PRDM5: variants seen among roughly 807,000 people sequenced by gnomAD.
PRDM5 encodes the protein PR domain zinc finger protein 5.
A neutral mutation model predicts 81.2 loss-of-function variants in PRDM5; 56 were observed. The ratio of observed to expected loss-of-function variants is 0.69; its 90% CI spans 0.56 to 0.86. The LOEUF is 0.86. PRDM5 is among the 40% of genes least tolerant of loss of function. PRDM5 has a pLI of 0.00. For synonymous variants in PRDM5, 267 were observed against 256.4 expected (o/e 1.04, Z -0.39); for missense variants, 697 against 770.1 (o/e 0.91, Z 1.12).
At chr4:120,775,003 CACAA>C (rs1277195500) in intron 13 of PRDM5, among the ~76,000 whole-genome samples, 1 of 148,298 alleles carries the variant, frequency 6.7e-6, no homozygotes, top group African/African-American at 2.5e-5. Flanking sequence ...TATATATATA[CACAA>C]ACACATATAT....
chr4:120,871,345 C>A (rs1258595227), intron 2 of PRDM5, among the ~76,000 whole-genome samples: 2 of 152,200 alleles, frequency 1.3e-5, no homozygotes. Flanking sequence ...TGACAGGTCA[C>A]AGCTTCCAGA....
At chr4:120,701,730 G>T (rs2149001281) in intron 15 of PRDM5, among the ~76,000 whole-genome samples, 1 of 152,176 alleles carries the variant, frequency 6.6e-6, no homozygotes, top group Non-Finnish European at 1.5e-5. Context: ...TCAGTACCTG[G>T]CTGATGGGAT....
At chr4:120,746,639 T>C (rs1436980971) in intron 14 of PRDM5, among the ~76,000 whole-genome samples, 1 of 144,854 alleles carries the variant, frequency 6.9e-6, no homozygotes, top group African/African-American at 2.6e-5. Context: ...GAACAGACAC[T>C]TCTCAAAAGA....
chr4:120,706,085 C>CTTTT (rs5861484), intron 15 of PRDM5, among the ~76,000 whole-genome samples: 5 of 143,296 alleles, frequency 3.5e-5, no homozygotes, highest in African/African-American at 5.2e-5. Context: ...GATCCTAGAT[C>CTTTT]TTTTTTTTTT....
chr4:120,850,976 T>C (rs1054219086), intron 3 of PRDM5, among the ~76,000 whole-genome samples: 7 of 152,144 alleles, frequency 4.6e-5, no homozygotes, highest in African/African-American at 1.7e-4. Context: ...AAGGTATAAA[T>C]ACTTATTGAC....
intron 3 of PRDM5, chr4:120,839,097 C>T: frequency 3.3e-6 from 2 of 613,676 alleles, no homozygotes; most frequent in East Asian, 2.8e-5. Context: ...AACTGCAGCA[C>T]CCCAAAGAAG....
intron 15 of PRDM5, among the ~76,000 whole-genome samples, chr4:120,703,976 G>A (rs1406999134): frequency 6.6e-6 from 1 of 152,176 alleles, no homozygotes; most frequent in African/African-American, 2.4e-5. Context: ...AGACAGTTCA[G>A]CTTGCCACTG....
intron 2 of PRDM5, among the ~76,000 whole-genome samples, chr4:120,904,076 G>C (rs985130687): frequency 6.6e-6 from 1 of 151,450 alleles, no homozygotes; most frequent in East Asian, 1.9e-4. Context: ...TGTAATCCCA[G>C]CTACTTGGGA....
At chr4:120,914,815 T>C (rs1723922194) in intron 1 of PRDM5, among the ~76,000 whole-genome samples, 1 of 152,216 alleles carries the variant, frequency 6.6e-6, no homozygotes, top group African/African-American at 2.4e-5. Context: ...TGTAATACTA[T>C]TCAGCCATAA....
chr4:120,888,490 A>G (rs925447163), intron 2 of PRDM5, among the ~76,000 whole-genome samples: 2 of 152,210 alleles, frequency 1.3e-5, no homozygotes, highest in Admixed American at 1.3e-4. Context: ...TTTATGATAA[A>G]CCAGAATGTA....
chr4:120,826,031 TAAC>T (rs372800489), intron 3 of PRDM5, among the ~76,000 whole-genome samples: 23 of 152,242 alleles, frequency 1.5e-4, no homozygotes, highest in African/African-American at 4.6e-4. Context: ...TAAGATTTCC[TAAC>T]AACAATATTG....
chr4:120,816,938 G>A lies in PRDM5; in HGVS notation c.651-14C>T. 1 of 1,595,726 alleles carries A rather than the reference G, an allele frequency of 6.3e-7. No individual in the cohort carries two copies. Among genetic ancestry groups the A allele is most frequent in the Non-Finnish European group, 8.6e-7 (1 of 1,163,770 alleles). Reference sequence around the variant, plus strand: ...CACTGAAGAACACTAAAGGGAAATAGGAAAAAGAGAAAGAAAAGAAAACAA... The same window carrying A: ...CACTGAAGAACACTAAAGGGAAATAAGAAAAAGAGAAAGAAAAGAAAACAA... On this transcript the variant is annotated splice_polypyrimidine_tract_variant and intron_variant, in intron 5 of 15. Coordinates refer to ENST00000264808, the MANE Select transcript of PRDM5 (RefSeq NM_018699.4).
chr4:120,694,903 G>C lies in PRDM5; in HGVS notation c.*208C>G, dbSNP rs938880594. 9 of 579,934 alleles carry C rather than the reference G, an allele frequency of 1.6e-5. No individual in the cohort carries two copies. Among genetic ancestry groups the C allele is most frequent in the African/African-American group, 1.3e-4 (7 of 53,240 alleles). The allele number at this position is 579,934 out of a possible 1,614,324, so 35.9% of individuals were successfully genotyped here. A position where few individuals can be genotyped will look rare whatever the true frequency, so the allele number is the denominator to read the frequency against. On this transcript the variant is annotated 3_prime_UTR_variant, in exon 16 of 16. Transcript: ENST00000264808. ...TTGCATTTTGCAAGGCTATGGAGTT[G>C]TATTTTTTTTCCATTTATACCATTT...
chr4:120,816,719 A>C lies in PRDM5; in HGVS notation c.743+113T>G, dbSNP rs769786075. ...CATTACCTATGCAGGTAAGAAGAAA[A>C]GCATTTAAATTCTGTAGGTATGTGA... On this transcript the variant is annotated intron_variant, in intron 6 of 15. Transcript: ENST00000264808. 2.8e-4 allele frequency: 418 copies of C among 1,518,534 alleles called. 5 individuals carry two copies. The highest frequency in any genetic ancestry group is 2.8e-4 in the Non-Finnish European group (310 of 1,093,472). 94.1% of individuals were successfully genotyped at this position (1,518,534 alleles called of 1,614,324 possible).
intron 10 of PRDM5, among the ~76,000 whole-genome samples, chr4:120,793,484 C>G (rs34151748): frequency 0.2 from 30,207 of 152,008 alleles, 3,631 homozygotes; most frequent in Non-Finnish European, 0.28. Flanking sequence ...CATCCCCTGC[C>G]CAACACTGGT....
chr4:120,717,893 A>C lies in PRDM5; in HGVS notation c.1624-7480T>G, dbSNP rs1738027523. ...TCTCTTATAGTCAGAGGCCAAGGTA[A>C]AGGTGTCACAAAATCATAGAATGAT... On this transcript the variant is annotated intron_variant, in intron 14 of 15. Transcript: ENST00000264808. 2.0e-5 allele frequency among the ~76,000 whole-genome samples: 3 copies of C among 146,494 alleles called. No individual in the cohort carries two copies. In the South Asian group the frequency reaches 6.7e-4, roughly 33 times the overall value.
At chr4:120,705,398 TAA>T (rs1396552009) in intron 15 of PRDM5, among the ~76,000 whole-genome samples, 7 of 151,998 alleles carry the variant, frequency 4.6e-5, no homozygotes, top group Non-Finnish European at 1.0e-4. Context: ...GTAATGGAGA[TAA>T]GAGAGAAAGT....
intron 3 of PRDM5, among the ~76,000 whole-genome samples, chr4:120,852,644 C>T (rs1205704408): frequency 6.6e-6 from 1 of 151,442 alleles, no homozygotes; most frequent in Non-Finnish European, 1.5e-5. Context: ...TGAGGTAATC[C>T]CCTATTTTAT....
intron 13 of PRDM5, among the ~76,000 whole-genome samples, chr4:120,776,867 C>T (rs1280259002): frequency 1.3e-5 from 2 of 152,082 alleles, no homozygotes; most frequent in Non-Finnish European, 2.9e-5. Flanking sequence ...AAGTTGATGC[C>T]CTTAACTATC....
Sources: allele counts gnomAD v4.1 joint callset (sites outside exome capture counted in the v4.1 genomes callset), GRCh38; gene constraint gnomAD v4.1.1; transcripts MANE v1.5; gene names NCBI Gene and HGNC (gene_info 2026-07-23, HGNC 2026-07-21).